Variants in DHRS4L2 observed in about 807,000 individuals in gnomAD.
DHRS4L2 encodes the protein dehydrogenase/reductase SDR family member 4-like 2.
A neutral mutation model predicts 23.9 loss-of-function variants in DHRS4L2; 22 were observed. The observed-to-expected ratio is 0.92, with a 90% confidence interval of 0.66 to 1.31. The LOEUF is 1.31. DHRS4L2 is among the 40% of genes most tolerant of loss of function. The pLI is 0.00. For synonymous variants in DHRS4L2, 141 were observed against 123.7 expected (o/e 1.14, Z -0.93); for missense variants, 385 against 303.3 (o/e 1.27, Z -2.00).
chr14:23,993,124 G>A (rs141660032), intron 2 of DHRS4L2, among the ~76,000 whole-genome samples: 11,747 of 150,186 alleles, frequency 0.078, 757 homozygotes, highest in East Asian at 0.23. Context: ...GCAATCCATT[G>A]TCTCCTCCCA....
At chr14:23,986,375 G>A (rs969562034), upstream of DHRS4L2, among the ~76,000 whole-genome samples, 4 of 151,360 alleles carry the variant, frequency 2.6e-5, no homozygotes, top group Admixed American at 2.6e-4. Flanking sequence ...CAGGCATGGG[G>A]AAGGGATAGC....
intron 1 of DHRS4L2, among the ~76,000 whole-genome samples, chr14:23,971,523 A>G (rs1478160144): frequency 1.3e-5 from 2 of 152,076 alleles, no homozygotes. Context: ...CCTTGAGAAG[A>G]GCAACCCCAA....
chr14:24,004,426 C>T (rs2034535789), intron 7 of DHRS4L2, 34 bp downstream of exon 7: 6 of 1,591,290 alleles, frequency 3.8e-6, no homozygotes, highest in Non-Finnish European at 5.1e-6. Flanking sequence ...CACTAAGAGA[C>T]ATGAAGATGG....
chr14:23,970,384 C>A (rs533556793), intron 1 of DHRS4L2: 19 of 387,488 alleles, frequency 4.9e-5, no homozygotes, highest in Admixed American at 8.2e-5. Flanking sequence ...CATCAGTTAA[C>A]GGGGCCGTGG....
intron 3 of DHRS4L2, among the ~76,000 whole-genome samples, chr14:23,999,118 C>A (rs1228416190): frequency 7.0e-6 from 1 of 143,256 alleles, no homozygotes; most frequent in Non-Finnish European, 1.5e-5. Flanking sequence ...CAACATTTTT[C>A]AATTAAGTTG....
Position 23,991,656 on chromosome 14 carries a change from T to G in DHRS4L2, c.306+1297T>G, listed in dbSNP as rs187234003. Among the ~76,000 whole-genome samples, 778 of 151,018 alleles carry G rather than the reference T, an allele frequency of 5.2e-3. 13 individuals are homozygous for G. The highest frequency in any genetic ancestry group is 0.016 in the African/African-American group (669 of 41,126). ...GAAGGAAAGAGAGGAGCACTGTCAG[T>G]CCACAGTGGAGAGCACAGGCTCAGG... On this transcript the variant is annotated intron_variant, in intron 2 of 7. Coordinates refer to ENST00000335125, the MANE Select transcript of DHRS4L2 (RefSeq NM_198083.4).
chr14:23,971,168 T>G (rs2138499057), intron 1 of DHRS4L2, among the ~76,000 whole-genome samples: 1 of 152,116 alleles, frequency 6.6e-6, no homozygotes. Flanking sequence ...TTGACAGAAG[T>G]TAAGCTTCAG....
chr14:24,001,310 C>T lies in DHRS4L2; in HGVS notation c.532-74C>T. The T allele has an allele frequency of 1.9e-6, 3 of 1,577,734 alleles. 1 individual carries two copies. Among genetic ancestry groups the T allele is most frequent in the South Asian group, 2.4e-5 (2 of 84,664 alleles). Reference sequence around the variant, plus strand: ...TACAGGAGATCCCTACTGAGCACTGCCCTCTATGTCTAGTTATTAGAACCA... The same window carrying T: ...TACAGGAGATCCCTACTGAGCACTGTCCTCTATGTCTAGTTATTAGAACCA... On this transcript the variant is annotated intron_variant, in intron 5 of 7. Transcript: ENST00000335125.
At chr14:23,995,261 C>G in intron 3 of DHRS4L2, 128 bp downstream of exon 3, 2 of 1,076,870 alleles carry the variant, frequency 1.9e-6, no homozygotes, top group Non-Finnish European at 2.8e-6. Flanking sequence ...TGCCACACAC[C>G]TGGAGCACAC....
rs1226700575 is a variant in DHRS4L2 at position 24,006,317 on chromosome 14, G to A, written c.*454G>A. The A allele has an allele frequency of 3.8e-5, 13 of 337,818 alleles. No homozygotes were observed. Among genetic ancestry groups the A allele is most frequent in the Non-Finnish European group, 6.5e-5 (12 of 184,838 alleles). 20.9% of individuals were successfully genotyped at this position (337,818 alleles called of 1,614,324 possible). ...GAATCTGAGGGGTGATGGGAGAGAA[G>A]GAACCTGGAGTGGAAGGAGCAGAGT... is the stretch of plus-strand genomic sequence containing the variant. On this transcript the variant is annotated 3_prime_UTR_variant, in exon 8 of 8. Coordinates refer to ENST00000335125, the MANE Select transcript of DHRS4L2 (RefSeq NM_198083.4).
At chr14:23,988,406 G>A (rs1221659227), upstream of DHRS4L2, among the ~76,000 whole-genome samples, 19 of 148,806 alleles carry the variant, frequency 1.3e-4, no homozygotes, top group South Asian at 2.3e-4. Flanking sequence ...CAGGCCTGGC[G>A]CAGCTACTGC....
rs774835838 is a variant in DHRS4L2, at chr14:24,001,452, G to A, written c.600G>A (p.Leu200=). Residue 200 remains leucine, a synonymous_variant, in exon 6 of 8, where the codon CTG becomes CTA. Coordinates refer to ENST00000335125, the MANE Select transcript of DHRS4L2 (RefSeq NM_198083.4). ...TCAACAATACCCTGGCCATAGAGCT[G>A]GCCCCAAGGAACATTAGGGTGAACT... The part of the protein sequence containing the change: ...LGLNNTLAIE[L]APRNIRVNCL... 22 of 1,606,530 alleles carry A rather than the reference G, an allele frequency of 1.4e-5. No individual in the cohort carries two copies. The South Asian group carries it at 2.2e-4, about 16-fold the overall frequency.
rs754065784 is a variant in DHRS4L2 at position 24,000,950 on chromosome 14, A to G, written c.479+17A>G. 1 of 1,611,346 alleles carries G rather than the reference A, an allele frequency of 6.2e-7. No homozygotes were observed. The highest frequency in any genetic ancestry group is 8.5e-7 in the Non-Finnish European group (1 of 1,179,428). Reference sequence around the variant, plus strand: ...GAAACGAGGGTACAGAGAGTGAGAGAGAGCCTGGGTGAGAGGGGACCCCAC... The same window carrying G: ...GAAACGAGGGTACAGAGAGTGAGAGGGAGCCTGGGTGAGAGGGGACCCCAC... On this transcript the variant is annotated intron_variant, in intron 4 of 7. Coordinates refer to ENST00000335125, the MANE Select transcript of DHRS4L2 (RefSeq NM_198083.4).
intron 5 of DHRS4L2, 68 bp from the exon 6 acceptor site, chr14:24,001,316 A>G: frequency 1.9e-6 from 3 of 1,579,908 alleles, no homozygotes; most frequent in South Asian, 2.4e-5. Context: ...ACTGCCCTCT[A>G]TGTCTAGTTA....
At chr14:23,984,805 CAAAAA>C (rs568852943), upstream of DHRS4L2, among the ~76,000 whole-genome samples, 1 of 67,492 alleles carries the variant, frequency 1.5e-5, no homozygotes, top group Admixed American at 1.7e-4. Flanking sequence ...GATGCCATCT[CAAAAA>C]AAAAAAAAAA....
chr14:23,976,378 A>C (rs2033964532), intron 1 of DHRS4L2, among the ~76,000 whole-genome samples: 1 of 151,992 alleles, frequency 6.6e-6, no homozygotes, highest in Non-Finnish European at 1.5e-5. Context: ...TGGTCATCAG[A>C]GAAATGCAAA....
chr14:23,987,520 T>C (rs1360528484), upstream of DHRS4L2, among the ~76,000 whole-genome samples: 1 of 151,668 alleles, frequency 6.6e-6, no homozygotes, highest in Non-Finnish European at 1.5e-5. Context: ...AAGTCATGCC[T>C]AGAACTGGAT....
chr14:24,002,093 C>G (rs2034503280), intron 6 of DHRS4L2, among the ~76,000 whole-genome samples: 1 of 105,080 alleles, frequency 9.5e-6, no homozygotes, highest in South Asian at 2.9e-4. Flanking sequence ...AACGTGTCAT[C>G]TAGCATTAGA....
rs373993922 is a variant in DHRS4L2 at position 23,999,955 on chromosome 14, G to A, written c.409-908G>A. On this transcript the variant is annotated intron_variant, in intron 3 of 7. Transcript: ENST00000335125. ...AGTGATCCACCCATCTTGGCCTCCC[G>A]AAGTGCAGGGATTGCAGGCATGAGC... 1.1e-3 allele frequency among the ~76,000 whole-genome samples: 148 copies of A among 135,596 alleles called. 1 individual carries two copies. In the East Asian group the frequency reaches 0.028, roughly 26 times the overall value. The allele number at this position is 135,596 out of a possible 152,430, so 89.0% of individuals were successfully genotyped here.
Sources: allele counts gnomAD v4.1 joint callset (sites outside exome capture counted in the v4.1 genomes callset), GRCh38; gene constraint gnomAD v4.1.1; transcripts MANE v1.5; gene names NCBI Gene and HGNC (gene_info 2026-07-23, HGNC 2026-07-21).